The following TFDP1 variants were observed in gnomAD, a reference collection of about 807,000 sequenced individuals.
TFDP1 encodes DRTF1-polypeptide 1.
A neutral mutation model predicts 48.0 loss-of-function variants in TFDP1; 6 were observed. That is an observed-to-expected ratio of 0.13 (90% confidence interval 0.07 to 0.25). The LOEUF (loss-of-function observed/expected upper bound fraction) is 0.25. TFDP1 is among the 10% of genes least tolerant of loss of function. TFDP1 has a pLI of 1.00. For missense variants in TFDP1, 335 were observed against 543.0 expected (o/e 0.62, Z 3.81); for synonymous variants, 201 against 211.6 (o/e 0.95, Z 0.44).
At chr13:113,634,119 C>A (rs1438937934) in intron 7 of TFDP1, 86 bp downstream of exon 7, 1 of 1,575,686 alleles carries the variant, frequency 6.3e-7, no homozygotes. Flanking sequence ...AGGGTCTGGG[C>A]TCCGTGCCCT....
At chr13:113,611,180 C>A in intron 3 of TFDP1, 118 bp downstream of exon 3, 1 of 1,014,542 alleles carries the variant, frequency 9.9e-7, no homozygotes, top group South Asian at 1.4e-5. Context: ...GCATGGGCAC[C>A]TTTGTGCTCC....
intron 4 of TFDP1, among the ~76,000 whole-genome samples, chr13:113,625,359 G>A (rs1399535048): frequency 3.6e-5 from 4 of 111,378 alleles, no homozygotes; most frequent in African/African-American, 4.0e-5. Flanking sequence ...CGTCTCTCAC[G>A]TGTCCTCAGG....
chr13:113,631,558 G>A (rs906859529), intron 4 of TFDP1, 65 bp from the exon 5 acceptor site: 6 of 1,554,866 alleles, frequency 3.9e-6, no homozygotes, highest in Admixed American at 4.2e-5. Context: ...CGAACAGATG[G>A]TGGGCATGGC....
At chr13:113,612,680 C>A (rs1844356622) in intron 3 of TFDP1, among the ~76,000 whole-genome samples, 1 of 152,186 alleles carries the variant, frequency 6.6e-6, no homozygotes, top group African/African-American at 2.4e-5. Context: ...AGGTTACATG[C>A]AGTAGGCTTT....
intron 3 of TFDP1, among the ~76,000 whole-genome samples, chr13:113,620,394 G>C (rs2048968954): frequency 6.6e-6 from 1 of 152,258 alleles, no homozygotes; most frequent in African/African-American, 2.4e-5. Context: ...GATGGAGAGT[G>C]ACAGTGCCAC....
intron 2 of TFDP1, among the ~76,000 whole-genome samples, chr13:113,597,244 T>A (rs1422953364): frequency 6.6e-6 from 1 of 152,184 alleles, no homozygotes; most frequent in East Asian, 1.9e-4. Flanking sequence ...GAAGAGAAAT[T>A]AGATTAACAT....
At chr13:113,613,888 AGT>A (rs2048782261) in intron 3 of TFDP1, among the ~76,000 whole-genome samples, 2 of 145,990 alleles carry the variant, frequency 1.4e-5, no homozygotes. Context: ...AGTGGATGTG[AGT>A]GTACCTGTGA....
At chr13:113,585,910 T>G in intron 2 of TFDP1, 61 bp downstream of exon 2, 1 of 1,556,204 alleles carries the variant, frequency 6.4e-7, no homozygotes, top group Non-Finnish European at 8.8e-7. Flanking sequence ...TCTTTGTAGT[T>G]CTCTGCCTTT....
intron 11 of TFDP1, among the ~76,000 whole-genome samples, chr13:113,639,909 A>T (rs1472913261): frequency 6.6e-6 from 1 of 152,348 alleles, no homozygotes; most frequent in Middle Eastern, 3.4e-3. Flanking sequence ...GTTCCAGGAG[A>T]CAGGGCCAGA....
At chr13:113,637,629 G>T (rs527261475) in intron 10 of TFDP1, 189 bp from the exon 11 acceptor site, 2 of 1,535,498 alleles carry the variant, frequency 1.3e-6, no homozygotes, top group East Asian at 2.5e-5. Context: ...GAGAAGACAG[G>T]CTTATGTGAC....
chr13:113,592,732 C>G (rs932812023), intron 2 of TFDP1, among the ~76,000 whole-genome samples: 2 of 152,244 alleles, frequency 1.3e-5, no homozygotes, highest in Non-Finnish European at 2.9e-5. Flanking sequence ...GCCCTCCCCT[C>G]CTGCCCAGGT....
chr13:113,613,017 T>TTTG (rs200638587), intron 3 of TFDP1, among the ~76,000 whole-genome samples: 4,533 of 118,338 alleles, frequency 0.038, 167 homozygotes, highest in African/African-American at 0.13. Flanking sequence ...GACGGTGGTT[T>TTTG]TTGTTGTTGT....
intron 4 of TFDP1, among the ~76,000 whole-genome samples, chr13:113,625,361 G>A: frequency 8.0e-6 from 1 of 125,786 alleles, no homozygotes; most frequent in African/African-American, 3.2e-5. Flanking sequence ...TCTCTCACGT[G>A]TCCTCAGGCG....
At chr13:113,616,537 C>G (rs2048863744) in intron 3 of TFDP1, among the ~76,000 whole-genome samples, 1 of 152,164 alleles carries the variant, frequency 6.6e-6, no homozygotes, top group Non-Finnish European at 1.5e-5. Context: ...CACATGTGGC[C>G]ATTGATTATA....
At chr13:113,625,742 C>T (rs35553610) in intron 4 of TFDP1, among the ~76,000 whole-genome samples, 417 of 18,436 alleles carry the variant, frequency 0.023, 20 homozygotes, top group Non-Finnish European at 0.033. Flanking sequence ...CTCACGTGTC[C>T]TCAGGCGTCT....
intron 2 of TFDP1, among the ~76,000 whole-genome samples, chr13:113,589,399 T>C (rs2048084884): frequency 1.3e-5 from 2 of 152,266 alleles, no homozygotes; most frequent in East Asian, 3.9e-4. Context: ...TATGGGCTGC[T>C]CCTGGCAATA....
chr13:113,600,920 G>A lies in TFDP1; in HGVS notation c.13-10076G>A, dbSNP rs1044717940. ...GAACCGTGAGAGAGAATCCTCGCAC[G>A]TGGGGCTCCAGGACCATGAGACAGA... On this transcript the variant is annotated intron_variant, in intron 2 of 11. Coordinates refer to ENST00000375370, the MANE Select transcript of TFDP1 (RefSeq NM_007111.5). 1.4e-4 allele frequency among the ~76,000 whole-genome samples: 21 copies of A among 151,418 alleles called. No individual in the cohort carries two copies. In the Middle Eastern group the frequency reaches 0.01, roughly 74 times the overall value.
At chr13:113,595,223 A>G (rs1388137761) in intron 2 of TFDP1, among the ~76,000 whole-genome samples, 1 of 152,234 alleles carries the variant, frequency 6.6e-6, no homozygotes, top group East Asian at 1.9e-4. Flanking sequence ...ACAAATGTGC[A>G]TCTGGTCCCC....
chr13:113,633,868 C>A lies in TFDP1; in HGVS notation c.475-22C>A. 6.3e-7 allele frequency: 1 copy of A among 1,595,174 alleles called. No individual in the cohort carries two copies. Among genetic ancestry groups the A allele is most frequent in the Admixed American group, 1.7e-5 (1 of 58,956 alleles). The stretch of plus-strand genomic sequence containing the variant: ...CCGGCCTTTTTGGATCATTTGGAAA[C>A]TCCACTCCCTGTCATCCCCAGGCTT... On this transcript the variant is annotated intron_variant, in intron 6 of 11. Transcript: ENST00000375370. This position sits in a 1 kb window ranked among gnomAD's most constrained non-coding sequence, Gnocchi z 4.5.
Sources: gnomAD v4.1 joint callset for allele counts (sites outside exome capture counted in the v4.1 genomes callset) on GRCh38, gnomAD v4.1.1 for gene constraint, Gnocchi (gnomAD v3.1) non-coding constraint, MANE v1.5 for transcripts, NCBI Gene and HGNC (gene_info 2026-07-23, HGNC 2026-07-21) for gene names.